Variants in VPS13D observed in about 807,000 individuals in gnomAD.
VPS13D encodes intermembrane lipid transfer protein VPS13D.
Under a neutral mutation model 461.9 loss-of-function variants are expected in VPS13D, and 187 were observed. The ratio of observed to expected loss-of-function variants is 0.40; its 90% CI spans 0.36 to 0.46. VPS13D has a LOEUF of 0.46. Ranked by LOEUF, VPS13D falls within the 20% of genes least tolerant of loss-of-function variation. The pLI is 0.60. For missense variants in VPS13D, 4,711 were observed against 5,364.9 expected, an observed-to-expected ratio of 0.88 and a Z score of 3.81; for synonymous variants, 1,951 against 1,986.3, an observed-to-expected ratio of 0.98 and a Z score of 0.47.
chr1:12,265,021 G>T (rs950155013), intron 13 of VPS13D, among the ~76,000 whole-genome samples: 3 of 152,108 alleles, frequency 2.0e-5, no homozygotes, highest in Non-Finnish European at 2.9e-5. Flanking sequence ...TCCTCTGCTT[G>T]TGTTCTATCA....
rs1369674239 is a variant in VPS13D at position 12,495,966 on chromosome 1, A to T, written c.12663-1534A>T. Among the ~76,000 whole-genome samples, 1 of 152,204 alleles carries T rather than the reference A, an allele frequency of 6.6e-6. No individual in the cohort carries two copies. The highest frequency in any genetic ancestry group is 1.9e-4 in the East Asian group (1 of 5,200). ...AGCATCCTCTCGGCAGCAGTCGTCC[A>T]GCTTCTCTCCTGATGGGTTAGCAGC... On this transcript the variant is annotated intron_variant, in intron 67 of 69. Transcript: ENST00000620676. This position sits in a 1 kb window ranked among gnomAD's most constrained non-coding sequence, Gnocchi z 4.0.
chr1:12,304,370 A>G, intron 25 of VPS13D, 136 bp from the exon 26 acceptor site: 1 of 728,334 alleles, frequency 1.4e-6, no homozygotes. Context: ...AGGCTGAGGG[A>G]AGTATAAGTA....
rs1325167286 is a variant in VPS13D at position 12,401,718 on chromosome 1, T to C, written c.11881+14T>C. The C allele has an allele frequency of 1.2e-6, 2 of 1,601,690 alleles. No individual in the cohort carries two copies. Among genetic ancestry groups the C allele is most frequent in the Non-Finnish European group, 8.5e-7 (1 of 1,169,816 alleles). On this transcript the variant is annotated intron_variant, in intron 62 of 69. Coordinates refer to ENST00000620676, the MANE Select transcript of VPS13D (RefSeq NM_015378.4). ...AAGCAGAATCAGGTAATGTTGAATGTTCTATGTCTGTGTTTGGGAATTGGT... is the reference window on the plus strand; with the variant it reads ...AAGCAGAATCAGGTAATGTTGAATGCTCTATGTCTGTGTTTGGGAATTGGT...
intron 29 of VPS13D, among the ~76,000 whole-genome samples, chr1:12,313,774 C>T (rs1260887855): frequency 3.3e-5 from 5 of 152,188 alleles, no homozygotes; most frequent in African/African-American, 4.8e-5. Flanking sequence ...GGACCCTTGA[C>T]ATCCTTTGGG....
rs143572864 is a variant in VPS13D at position 12,327,750 on chromosome 1, C to T, written c.8093C>T (p.Ala2698Val). The change falls in exon 36 of 70, where the codon GCG becomes GTG. Residue 2698 changes from alanine to valine, a missense_variant. Physicochemically the swap from Ala to Val is moderately conservative, Grantham distance 64. Transcript: ENST00000620676. The stretch of plus-strand genomic sequence containing the variant: ...CGAGATAGCCCAGGGGCTGTGGCAG[C>T]GCCATTGATCTCTGGCGTGGAGATC... Reference protein sequence around the residue: ...TSRDSPGAVAAPLISGVEIKA... With the variant: ...TSRDSPGAVAVPLISGVEIKA... The T allele has an allele frequency of 7.4e-5, 120 of 1,613,976 alleles. No homozygotes were observed. The highest frequency in any genetic ancestry group is 1.2e-4 in the Admixed American group (7 of 59,994).
rs777354081 is a variant in VPS13D, at chr1:12,283,014, G to A, written c.4912G>A (p.Gly1638Arg). The stretch of plus-strand genomic sequence containing the variant: ...TCAGCTAAGTGGAGATCTGACTTTG[G>A]GGGCCCAAGGTCTTGTGAGCTTAAA... ...QVQLSGDLTL[G>R]AQGLVSLKFQ... The change falls in exon 21 of 70, where the codon GGG becomes AGG. Residue 1638 changes from glycine to arginine, a missense_variant. By Grantham distance (125) the Gly-to-Arg change is moderately radical. Transcript: ENST00000620676. The A allele has an allele frequency of 1.2e-6, 2 of 1,613,912 alleles. No homozygotes were observed. Among genetic ancestry groups the A allele is most frequent in the Admixed American group, 1.7e-5 (1 of 59,986 alleles).
At chr1:12,294,634 G>A (rs968610823) in intron 24 of VPS13D, among the ~76,000 whole-genome samples, 22 of 152,046 alleles carry the variant, frequency 1.4e-4, no homozygotes, top group African/African-American at 4.3e-4. Context: ...CCAACATGAC[G>A]AAACCCCGTC....
At chr1:12,441,924 C>T (rs1211685472) in intron 65 of VPS13D, among the ~76,000 whole-genome samples, 1 of 152,092 alleles carries the variant, frequency 6.6e-6, no homozygotes, top group Non-Finnish European at 1.5e-5. Flanking sequence ...ATGCATAGTC[C>T]TTATACCACT....
At chr1:12,497,954 A>G (rs1471596804) in intron 68 of VPS13D, among the ~76,000 whole-genome samples, 1 of 152,216 alleles carries the variant, frequency 6.6e-6, no homozygotes, top group Non-Finnish European at 1.5e-5. Flanking sequence ...TTCTCCTGTA[A>G]AAATTTCTTA....
chr1:12,276,301 G>A lies in VPS13D; in HGVS notation c.2713G>A (p.Glu905Lys). The A allele has an allele frequency of 1.9e-6, 3 of 1,614,100 alleles. No individual in the cohort carries two copies. Among genetic ancestry groups the A allele is most frequent in the South Asian group, 2.2e-5 (2 of 91,078 alleles). Residue 905 changes from glutamate (E) to lysine (K), a missense_variant, in exon 19 of 70, where the codon GAA becomes AAA. Around this residue, in one of 3 missense-constraint regions of VPS13D, gnomAD observed 4,411 missense variants for 4,937.8 expected, o/e 0.89. Transcript: ENST00000620676. The surrounding 1 kb of genome is among the most constrained non-coding windows in gnomAD (Gnocchi z 4.5). ...TTGCTTTGCTCTCCTCACCACCCCA[G>A]AAATGAAAACTTCTGACACTCAGAT... Reference protein sequence around the residue: ...KNCFALLTTPEMKTSDTQIKE... With the variant: ...KNCFALLTTPKMKTSDTQIKE...
chr1:12,484,081 T>A (rs1328319785), intron 67 of VPS13D, among the ~76,000 whole-genome samples: 1 of 152,228 alleles, frequency 6.6e-6, no homozygotes, highest in Admixed American at 6.5e-5. Flanking sequence ...ATGGTTTTTA[T>A]TTTTGTTTCC....
chr1:12,414,899 C>T (rs1444255681), intron 63 of VPS13D, among the ~76,000 whole-genome samples, 188 bp from the exon 64 acceptor site: 2 of 152,148 alleles, frequency 1.3e-5, no homozygotes, highest in African/African-American at 4.8e-5. Context: ...ATATGTCTGT[C>T]TATATATGTA....
chr1:12,408,511 G>T (rs1487846350), intron 63 of VPS13D, among the ~76,000 whole-genome samples: 1 of 152,042 alleles, frequency 6.6e-6, no homozygotes, highest in Non-Finnish European at 1.5e-5. Flanking sequence ...TTATAGGTGC[G>T]TGCCACCATG....
chr1:12,506,081 C>T (rs1195491286), intron 68 of VPS13D, among the ~76,000 whole-genome samples: 3 of 152,208 alleles, frequency 2.0e-5, no homozygotes, highest in Non-Finnish European at 2.9e-5. Context: ...GACACTGCAG[C>T]CCCATTGTGA....
chr1:12,503,769 A>G (rs1474177893), intron 68 of VPS13D, among the ~76,000 whole-genome samples: 2 of 152,154 alleles, frequency 1.3e-5, no homozygotes, highest in African/African-American at 2.4e-5. Flanking sequence ...GGTTTTTCCA[A>G]CAGTCACTCA....
At chr1:12,374,727 C>T (rs148382601) in intron 55 of VPS13D, among the ~76,000 whole-genome samples, 18 of 152,120 alleles carry the variant, frequency 1.2e-4, no homozygotes, top group South Asian at 2.1e-4. Flanking sequence ...TATGTGTATG[C>T]GTATGTATGT....
chr1:12,450,276 C>T (rs1483324992), intron 65 of VPS13D, among the ~76,000 whole-genome samples: 1 of 152,154 alleles, frequency 6.6e-6, no homozygotes, highest in African/African-American at 2.4e-5. Context: ...TGTTTGACTA[C>T]ATCGTGGCAA....
chr1:12,314,471 A>G (rs934773205), intron 30 of VPS13D, 144 bp downstream of exon 30: 3 of 721,968 alleles, frequency 4.2e-6, no homozygotes, highest in African/African-American at 1.8e-5. Flanking sequence ...AGTGTACTGT[A>G]TATTAATGCA....
rs1449163324 is a variant in VPS13D, at chr1:12,460,271, C to T, written c.12537C>T (p.Ser4179=). Residue 4179 remains serine, a synonymous_variant, in exon 67 of 70, where the codon AGC becomes AGT. Transcript: ENST00000620676. ...GTGTGAAAACAGAAGGGGGTGTCAG[C>T]GGTTTCATATCTGGCCTTGGAAAAG... ...VEGVKTEGGV[S]GFISGLGKGL... is the part of the protein sequence containing the mutation. 6.8e-6 allele frequency: 11 copies of T among 1,611,560 alleles called. No homozygotes were observed. The highest frequency in any genetic ancestry group is 2.7e-5 in the African/African-American group (2 of 74,782).
Sources: gnomAD v4.1 joint callset for allele counts (sites outside exome capture counted in the v4.1 genomes callset) on GRCh38, gnomAD v4.1.1 for gene constraint, gnomAD v4.1.1 regional missense constraint, Gnocchi (gnomAD v3.1) non-coding constraint, MANE v1.5 for transcripts, NCBI Gene and HGNC (gene_info 2026-07-23, HGNC 2026-07-21) for gene names.